The following SPATA16 variants were observed in gnomAD, a reference collection of about 807,000 sequenced individuals.
SPATA16 encodes the protein spermatogenesis-associated protein 16.
A neutral mutation model predicts 63.3 loss-of-function variants in SPATA16; 36 were observed. That is an observed-to-expected ratio of 0.57 (90% confidence interval 0.44 to 0.75). The LOEUF is 0.75. Ranked by LOEUF, SPATA16 falls within the 30% of genes least tolerant of loss-of-function variation. The probability of loss-of-function intolerance (pLI) is 0.00; values close to 1 mark genes in which losing one functional copy is unlikely to be tolerated. For synonymous variants in SPATA16, 203 were observed against 216.7 expected, an observed-to-expected ratio of 0.94 and a Z score of 0.56; for missense variants, 646 against 679.3, an observed-to-expected ratio of 0.95 and a Z score of 0.54.
Position 172,956,872 on chromosome 3 carries a change from T to A in SPATA16, c.934-48A>T, listed in dbSNP as rs143211035. On this transcript the variant is annotated intron_variant, in intron 5 of 10. Coordinates refer to ENST00000351008, the MANE Select transcript of SPATA16 (RefSeq NM_031955.6). ...TTTGGCATCAATAACAATATATGACTTTTTAAGAATGTAAAAAATATAATT... is the reference window on the plus strand; with the variant it reads ...TTTGGCATCAATAACAATATATGACATTTTAAGAATGTAAAAAATATAATT... 182 of 1,603,964 alleles carry A rather than the reference T, an allele frequency of 1.1e-4. No homozygotes were observed. The East Asian group carries it at 2.9e-3, about 25-fold the overall frequency.
intron 4 of SPATA16, among the ~76,000 whole-genome samples, chr3:173,002,464 A>G (rs551867657): frequency 2.0e-5 from 3 of 152,336 alleles, no homozygotes; most frequent in Non-Finnish European, 4.4e-5. Context: ...AAATGGTGGA[A>G]CTAATGCCAG....
chr3:172,960,893 C>CTTTCTTTCTTTCTTTCTTT, intron 5 of SPATA16, among the ~76,000 whole-genome samples: 1 of 147,918 alleles, frequency 6.8e-6, no homozygotes, highest in African/African-American at 2.6e-5. Context: ...TTCTCTCTCT[C>CTTTCTTTCTTTCTTTCTTT]CTTCCTTCCT....
At chr3:173,091,845 T>C (rs1390771209) in intron 2 of SPATA16, among the ~76,000 whole-genome samples, 2 of 152,156 alleles carry the variant, frequency 1.3e-5, no homozygotes, top group Admixed American at 1.3e-4. Flanking sequence ...CAGCATAATT[T>C]TCCATGGGTC....
intron 2 of SPATA16, among the ~76,000 whole-genome samples, chr3:173,069,104 C>T (rs4476533): frequency 0.12 from 15,000 of 123,616 alleles, 985 homozygotes; most frequent in East Asian, 0.24. Flanking sequence ...TACGAGACTC[C>T]GTCTCAAGAA....
intron 2 of SPATA16, among the ~76,000 whole-genome samples, chr3:173,089,515 G>A (rs568305032): frequency 1.3e-5 from 2 of 152,286 alleles, no homozygotes; most frequent in South Asian, 4.1e-4. Context: ...AGTGACAGCA[G>A]TCAGTGAAGA....
intron 4 of SPATA16, among the ~76,000 whole-genome samples, chr3:173,009,867 T>C (rs933358318): frequency 6.6e-6 from 1 of 152,220 alleles, no homozygotes; most frequent in African/African-American, 2.4e-5. Context: ...AGCAAGCGGC[T>C]CAAGAGCCTC....
chr3:172,995,065 T>C (rs1734665222), intron 4 of SPATA16, among the ~76,000 whole-genome samples: 1 of 152,048 alleles, frequency 6.6e-6, no homozygotes, highest in Non-Finnish European at 1.5e-5. Flanking sequence ...CATTAGTATA[T>C]TGATTACTTA....
chr3:173,011,320 T>C (rs1158485767), intron 4 of SPATA16, among the ~76,000 whole-genome samples: 1 of 152,176 alleles, frequency 6.6e-6, no homozygotes, highest in Non-Finnish European at 1.5e-5. Context: ...CATATTATCA[T>C]CTAAATAGAC....
intron 2 of SPATA16, among the ~76,000 whole-genome samples, chr3:173,088,056 TTCTTTC>T (rs1737115459): frequency 7.2e-6 from 1 of 138,656 alleles, no homozygotes; most frequent in Non-Finnish European, 1.6e-5. Context: ...CTTTCTTTCT[TTCTTTC>T]TTTCTTTCTT....
intron 5 of SPATA16, among the ~76,000 whole-genome samples, chr3:172,968,115 G>T (rs542202390): frequency 5.9e-5 from 9 of 152,298 alleles, no homozygotes; most frequent in African/African-American, 2.2e-4. Flanking sequence ...CCTGAGAAGC[G>T]GGGACTGTAT....
intron 10 of SPATA16, among the ~76,000 whole-genome samples, chr3:172,903,719 C>T (rs983899089): frequency 6.6e-6 from 1 of 152,122 alleles, no homozygotes; most frequent in African/African-American, 2.4e-5. Context: ...CAAAGCAAAC[C>T]TTAACATGAT....
intron 6 of SPATA16, among the ~76,000 whole-genome samples, chr3:172,935,727 T>A (rs1187949377): frequency 2.0e-5 from 3 of 152,172 alleles, no homozygotes; most frequent in Non-Finnish European, 4.4e-5. Flanking sequence ...TTTGAATGAT[T>A]GACAAAGGGA....
At chr3:173,035,692 G>T (rs1263689240) in intron 3 of SPATA16, among the ~76,000 whole-genome samples, 1 of 152,042 alleles carries the variant, frequency 6.6e-6, no homozygotes, top group East Asian at 1.9e-4. Flanking sequence ...GAATGCCAAG[G>T]ATGCTGTGAA....
intron 4 of SPATA16, among the ~76,000 whole-genome samples, chr3:172,990,023 C>T (rs910468157): frequency 1.3e-5 from 2 of 152,124 alleles, no homozygotes; most frequent in Admixed American, 6.6e-5. Flanking sequence ...TAGCACTTTG[C>T]TTATGTCATC....
intron 5 of SPATA16, among the ~76,000 whole-genome samples, chr3:172,959,170 G>C (rs967349450): frequency 6.6e-6 from 1 of 152,182 alleles, no homozygotes; most frequent in Non-Finnish European, 1.5e-5. Context: ...AGAAGAAAAC[G>C]CTCTCTCCAC....
At chr3:173,078,807 C>T (rs931483293) in intron 2 of SPATA16, among the ~76,000 whole-genome samples, 5 of 152,120 alleles carry the variant, frequency 3.3e-5, no homozygotes, top group South Asian at 2.1e-4. Flanking sequence ...CTTGATGCCA[C>T]GGCACTTTCT....
intron 10 of SPATA16, among the ~76,000 whole-genome samples, chr3:172,910,996 A>G (rs114461281): frequency 0.026 from 3,957 of 152,282 alleles, 61 homozygotes; most frequent in Middle Eastern, 0.058. Flanking sequence ...TGTGATAAAT[A>G]TGGCTGGGAC....
intron 10 of SPATA16, among the ~76,000 whole-genome samples, chr3:172,894,936 A>G (rs1270570041): frequency 6.6e-6 from 1 of 152,196 alleles, no homozygotes; most frequent in Non-Finnish European, 1.5e-5. Flanking sequence ...TTCATAAGCT[A>G]CCCAGGCTAT....
At chr3:172,995,331 A>G (rs1422448899) in intron 4 of SPATA16, among the ~76,000 whole-genome samples, 3 of 152,040 alleles carry the variant, frequency 2.0e-5, no homozygotes, top group African/African-American at 4.8e-5. Flanking sequence ...ATTATTATCT[A>G]CTTTCCACAA....
Sources: allele counts gnomAD v4.1 joint callset (sites outside exome capture counted in the v4.1 genomes callset), GRCh38; gene constraint gnomAD v4.1.1; transcripts MANE v1.5; gene names NCBI Gene and HGNC (gene_info 2026-07-23, HGNC 2026-07-21).